TLE4: variants seen among roughly 807,000 people sequenced by gnomAD.
TLE4 encodes the protein transducin-like enhancer protein 4.
In TLE4, 8 loss-of-function variants were observed where a neutral mutation model predicts 92.8. The ratio of observed to expected loss-of-function variants is 0.09; its 90% CI spans 0.05 to 0.16. The LOEUF is 0.16. TLE4 is among the 10% of genes least tolerant of loss of function. The probability of loss-of-function intolerance (pLI) is 1.00; values close to 1 mark genes in which losing one functional copy is unlikely to be tolerated. For synonymous variants in TLE4, 371 were observed against 374.1 expected (o/e 0.99, Z 0.10); for missense variants, 675 against 997.6 (o/e 0.68, Z 4.36).
intron 4 of TLE4, chr9:79,576,399 A>G: frequency 3.0e-6 from 1 of 331,998 alleles, no homozygotes; most frequent in East Asian, 4.4e-5. Context: ...AAAAGTCTGA[A>G]TACATATTAA....
intron 4 of TLE4, among the ~76,000 whole-genome samples, chr9:79,592,785 G>T (rs2043028785): frequency 6.6e-6 from 1 of 151,854 alleles, no homozygotes; most frequent in Non-Finnish European, 1.5e-5. Flanking sequence ...TTTATTTCTT[G>T]TATGACTTGG....
At chr9:79,630,725 G>A (rs1372719047) in intron 6 of TLE4, among the ~76,000 whole-genome samples, 1 of 152,146 alleles carries the variant, frequency 6.6e-6, no homozygotes, top group Non-Finnish European at 1.5e-5. Flanking sequence ...TTATTAAATT[G>A]AGTCACCTGA....
intron 6 of TLE4, among the ~76,000 whole-genome samples, chr9:79,629,486 T>A (rs1450745603): frequency 6.6e-6 from 1 of 152,218 alleles, no homozygotes; most frequent in South Asian, 2.1e-4. Context: ...TGTGTTTATA[T>A]GTATTTAATT....
chr9:79,724,297 G>A (rs2076101420), intron 19 of TLE4, among the ~76,000 whole-genome samples: 2 of 151,970 alleles, frequency 1.3e-5, no homozygotes, highest in African/African-American at 2.4e-5. Context: ...AAACTGAGGT[G>A]CAGACAGGTT....
At chr9:79,722,397 T>C (rs1312195235) in intron 17 of TLE4, 54 bp from the exon 18 acceptor site, 3 of 1,592,072 alleles carry the variant, frequency 1.9e-6, no homozygotes, top group African/African-American at 1.3e-5. Context: ...ACCTCCCAGA[T>C]AAAAGAAGCG....
intron 8 of TLE4, among the ~76,000 whole-genome samples, chr9:79,680,778 T>C (rs1420260833): frequency 2.0e-5 from 3 of 152,114 alleles, no homozygotes; most frequent in Non-Finnish European, 4.4e-5. Flanking sequence ...ATAGATAGCT[T>C]TTATTATTTT....
Position 79,676,540 on chromosome 9 carries a change from G to A in TLE4, c.609+22465G>A, listed in dbSNP as rs2063288684. 3.9e-5 allele frequency among the ~76,000 whole-genome samples: 6 copies of A among 152,204 alleles called. No homozygotes were observed. In the South Asian group the frequency reaches 1.2e-3, roughly 32 times the overall value. On this transcript the variant is annotated intron_variant, in intron 8 of 19. Transcript: ENST00000376552. ...AGGAGATGGCAGGGAAAAAGGGAAT[G>A]GAATACTGGAAAGGAAAACAAAGAA...
At chr9:79,614,344 G>A (rs2049018599) in intron 5 of TLE4, among the ~76,000 whole-genome samples, 1 of 152,122 alleles carries the variant, frequency 6.6e-6, no homozygotes, top group South Asian at 2.1e-4. Flanking sequence ...ATTTCTGCAG[G>A]ATCTGTGGGT....
At chr9:79,594,369 G>C (rs144112629) in intron 4 of TLE4, among the ~76,000 whole-genome samples, 1 of 152,302 alleles carries the variant, frequency 6.6e-6, no homozygotes, top group African/African-American at 2.4e-5. Flanking sequence ...AGTTTATATA[G>C]TTCATGAAGT....
intron 8 of TLE4, among the ~76,000 whole-genome samples, chr9:79,697,051 GA>G (rs2068451199): frequency 6.6e-6 from 1 of 152,102 alleles, no homozygotes; most frequent in Non-Finnish European, 1.5e-5. Context: ...GTCATATACT[GA>G]AAAAAATAAT....
At chr9:79,579,148 T>C (rs1222983396) in intron 4 of TLE4, among the ~76,000 whole-genome samples, 3 of 152,106 alleles carry the variant, frequency 2.0e-5, no homozygotes, top group Admixed American at 6.5e-5. Flanking sequence ...AAGTGTATGG[T>C]TTTTGTTTTT....
intron 4 of TLE4, among the ~76,000 whole-genome samples, chr9:79,590,059 C>T (rs1055558158): frequency 6.6e-6 from 1 of 152,136 alleles, no homozygotes. Flanking sequence ...ACAAATTTCA[C>T]TATGCTGCGC....
At chr9:79,629,717 T>C (rs1362969054) in intron 6 of TLE4, among the ~76,000 whole-genome samples, 2 of 152,114 alleles carry the variant, frequency 1.3e-5, no homozygotes, top group Non-Finnish European at 1.5e-5. Context: ...ATTGCAGAAA[T>C]AGGAAAACAA....
chr9:79,642,533 T>G (rs1437514530), intron 6 of TLE4, among the ~76,000 whole-genome samples: 1 of 152,034 alleles, frequency 6.6e-6, no homozygotes, highest in Non-Finnish European at 1.5e-5. Flanking sequence ...ATAGAACCAT[T>G]GGTATCAGTA....
intron 4 of TLE4, among the ~76,000 whole-genome samples, chr9:79,605,397 T>C (rs571848452): frequency 6.6e-6 from 1 of 152,258 alleles, no homozygotes; most frequent in East Asian, 1.9e-4. Flanking sequence ...TCTGGCACAA[T>C]GATCGTCATT....
chr9:79,714,430 T>G (rs2074055156), intron 14 of TLE4, among the ~76,000 whole-genome samples: 1 of 152,246 alleles, frequency 6.6e-6, no homozygotes, highest in African/African-American at 2.4e-5. Flanking sequence ...ATTGAATGAA[T>G]TCCTGGATTA....
At chr9:79,580,272 T>C (rs961783323) in intron 4 of TLE4, 1 of 152,200 alleles carries the variant, frequency 6.6e-6, no homozygotes, top group African/African-American at 2.4e-5. Context: ...AGGCTCGGCA[T>C]GGTACAGAGA....
intron 6 of TLE4, among the ~76,000 whole-genome samples, chr9:79,633,490 T>C (rs2054865285): frequency 6.6e-6 from 1 of 152,092 alleles, no homozygotes; most frequent in South Asian, 2.1e-4. Flanking sequence ...TTGCAGAATG[T>C]GTCTGGGTAG....
At chr9:79,601,556 T>C (rs1178335972) in intron 4 of TLE4, 1 of 444,504 alleles carries the variant, frequency 2.2e-6, no homozygotes, top group African/African-American at 2.0e-5. Flanking sequence ...CTTTATCTGT[T>C]ACATGATTTG....
Sources: allele counts gnomAD v4.1 joint callset (sites outside exome capture counted in the v4.1 genomes callset), GRCh38; gene constraint gnomAD v4.1.1; transcripts MANE v1.5; gene names NCBI Gene and HGNC (gene_info 2026-07-23, HGNC 2026-07-21).